Variants in HBS1L observed in about 807,000 individuals in gnomAD.
HBS1L encodes the protein HBS1 like translational GTPase, also known as HBS1-like protein.
HBS1L carries 55 observed loss-of-function variants against 88.9 expected under a neutral mutation model. The observed-to-expected ratio is 0.62, with a 90% CI of 0.50 to 0.77. HBS1L has a LOEUF of 0.77. Ranked by LOEUF, HBS1L falls within the 30% of genes least tolerant of loss-of-function variation. HBS1L has a pLI of 0.00. For synonymous variants in HBS1L, 267 were observed against 288.5 expected, an observed-to-expected ratio of 0.93 and a Z score of 0.76; for missense variants, 741 against 829.3, an observed-to-expected ratio of 0.89 and a Z score of 1.31.
At chr6:134,966,528 T>A in intron 16 of HBS1L, 55 bp from the exon 17 acceptor site, 1 of 1,159,446 alleles carries the variant, frequency 8.6e-7, no homozygotes. Context: ...ATAAATGTAA[T>A]AATAACAACT....
At position 135,042,012 on chromosome 6, in the gene HBS1L, C is replaced by A. The variant is rs2114909649; in HGVS notation, c.224G>T (p.Gly75Val). The stretch of plus-strand genomic sequence containing the variant: ...ACTTTTTGCTATACCTTGATCAAAT[C>A]CACTGAGCTGATGGTTTGAAACAGA... ...SNSVSNHQLS[G>V]FDQARLYSCL... is the part of the protein sequence containing the mutation. Residue 75 changes from glycine (G) to valine (V), a missense_variant, in exon 3 of 18, where the codon GGA (glycine) becomes GTA (valine). Around this residue, in one of 3 missense-constraint regions of HBS1L, gnomAD observed 556 missense variants for 598.4 expected, o/e 0.93. Coordinates refer to ENST00000367837, the MANE Select transcript of HBS1L (RefSeq NM_006620.4). The A allele has an allele frequency of 6.2e-7, 1 of 1,613,272 alleles. No individual in the cohort carries two copies. The highest frequency in any genetic ancestry group is 2.2e-5 in the East Asian group (1 of 44,804).
At position 134,993,774 on chromosome 6, in the gene HBS1L, A is replaced by T. The variant is rs1187224134; in HGVS notation, c.1067T>A (p.Ile356Asn). The change falls in exon 8 of 18, where the codon ATT becomes AAT. Residue 356 changes from isoleucine (I) to asparagine (N), a missense_variant. By Grantham distance (149) the Ile-to-Asn change is moderately radical. This residue lies in a region of HBS1L where 556 missense variants were observed against 598.4 expected (regional missense o/e 0.93). Coordinates refer to ENST00000367837, the MANE Select transcript of HBS1L (RefSeq NM_006620.4). ...AGCAGTTACCTGGGCTGCTCCTGTA[A>T]TCATATTTGGAATGAAGTCCTTATG... is the stretch of plus-strand genomic sequence containing the variant. Reference protein sequence around the residue: ...PGHKDFIPNMITGAAQADVAV... With the variant: ...PGHKDFIPNMNTGAAQADVAV... 6.4e-7 allele frequency: 1 copy of T among 1,573,666 alleles called. No homozygotes were observed. Among genetic ancestry groups the T allele is most frequent in the Non-Finnish European group, 8.7e-7 (1 of 1,151,292 alleles).
chr6:134,978,715 G>A lies in HBS1L; in HGVS notation c.1761C>T (p.Ile587=), dbSNP rs1243986515. 3 of 1,606,224 alleles carry A rather than the reference G, an allele frequency of 1.9e-6. No homozygotes were observed. The highest frequency in any genetic ancestry group is 2.7e-5 in the African/African-American group (2 of 74,768). The part of the protein sequence containing the change: ...ACTRFRARIL[I]FNIEIPITKG... ...TAGTGATAGGAATTTCAATATTAAA[G>A]ATGAGGATTCGGGCTCTGAAACGAG... The change falls in exon 15 of 18, where the codon ATC becomes ATT. Residue 587 remains isoleucine (I), a synonymous_variant. Coordinates refer to ENST00000367837, the MANE Select transcript of HBS1L (RefSeq NM_006620.4).
chr6:135,029,757 T>C (rs1776333725), intron 4 of HBS1L, among the ~76,000 whole-genome samples: 1 of 152,124 alleles, frequency 6.6e-6, no homozygotes, highest in Non-Finnish European at 1.5e-5. Context: ...GCTGTTTAAA[T>C]AAATTATGGT....
intron 1 of HBS1L, among the ~76,000 whole-genome samples, chr6:135,051,519 C>A (rs1777082699): frequency 1.3e-5 from 2 of 152,160 alleles, no homozygotes; most frequent in Admixed American, 6.5e-5. Flanking sequence ...GAGGCCATTT[C>A]TTTCTGCTAG....
intron 15 of HBS1L, among the ~76,000 whole-genome samples, chr6:134,972,912 C>A (rs1360071442): frequency 1.3e-5 from 2 of 152,146 alleles, no homozygotes; most frequent in Non-Finnish European, 2.9e-5. Flanking sequence ...AATCCCTCTC[C>A]CACACCCCAC....
rs190923408 is a variant in HBS1L at position 134,969,681 on chromosome 6, T to C, written c.1798-343A>G. Among the ~76,000 whole-genome samples the C allele has an allele frequency of 2.7e-4, 41 of 152,322 alleles. 1 individual carries two copies. Among genetic ancestry groups the C allele is most frequent in the Admixed American group, 6.5e-4 (10 of 15,302 alleles). ...AAGAGAATTCGTCATTTAGAACAAA[T>C]GTTGTTGTCATTTTTATTATTACAA... On this transcript the variant is annotated intron_variant, in intron 15 of 17. Coordinates refer to ENST00000367837, the MANE Select transcript of HBS1L (RefSeq NM_006620.4).
At chr6:135,040,123 G>A (rs1428664810) in intron 3 of HBS1L, among the ~76,000 whole-genome samples, 1 of 152,132 alleles carries the variant, frequency 6.6e-6, no homozygotes, top group Non-Finnish European at 1.5e-5. Context: ...GAAGGGGTGA[G>A]TGTGGAACTA....
Position 134,986,247 on chromosome 6 carries a change from A to G in HBS1L, c.1306-64T>C, listed in dbSNP as rs1774976179. 17 of 840,408 alleles carry G rather than the reference A, an allele frequency of 2.0e-5. 1 individual carries two copies. Among genetic ancestry groups the G allele is most frequent in the Middle Eastern group, 2.5e-4 (1 of 3,978 alleles). 52.1% of individuals were successfully genotyped at this position (840,408 alleles called of 1,614,324 possible). ...TTTTTAAAACATTAAAAGATTCACCATTACCATAACTGCACCAAGTTTGCA... is the reference window on the plus strand; with the variant it reads ...TTTTTAAAACATTAAAAGATTCACCGTTACCATAACTGCACCAAGTTTGCA... On this transcript the variant is annotated intron_variant, in intron 10 of 17. Coordinates refer to ENST00000367837, the MANE Select transcript of HBS1L (RefSeq NM_006620.4).
intron 1 of HBS1L, among the ~76,000 whole-genome samples, chr6:135,052,688 T>C (rs1277342965): frequency 6.6e-6 from 1 of 152,194 alleles, no homozygotes; most frequent in Admixed American, 6.5e-5. Flanking sequence ...GAGAATTCTT[T>C]CCTGCAATCT....
At chr6:135,001,711 C>G (rs1397928879) in intron 5 of HBS1L, among the ~76,000 whole-genome samples, 2 of 152,054 alleles carry the variant, frequency 1.3e-5, no homozygotes, top group Non-Finnish European at 2.9e-5. Context: ...AATTAATGTA[C>G]ACTGAATGCC....
chr6:135,037,516 T>A, intron 4 of HBS1L: 1 of 1,549,888 alleles, frequency 6.5e-7, no homozygotes, highest in Non-Finnish European at 8.7e-7. Context: ...TAAACTGTCC[T>A]GTACTGGAAT....
At position 134,969,688 on chromosome 6, in the gene HBS1L, G is replaced by C. The variant is rs76205648; in HGVS notation, c.1798-350C>G. On this transcript the variant is annotated intron_variant, in intron 15 of 17. Coordinates refer to ENST00000367837, the MANE Select transcript of HBS1L (RefSeq NM_006620.4). Reference sequence around the variant, plus strand: ...TTCGTCATTTAGAACAAATGTTGTTGTCATTTTTATTATTACAAGTAGTAG... The same window carrying C: ...TTCGTCATTTAGAACAAATGTTGTTCTCATTTTTATTATTACAAGTAGTAG... Among the ~76,000 whole-genome samples the C allele has an allele frequency of 6.1e-3, 928 of 152,284 alleles. 10 individuals are homozygous for C. The highest frequency in any genetic ancestry group is 0.021 in the African/African-American group (878 of 41,574).
At chr6:135,043,159 C>T (rs1373862217) in intron 2 of HBS1L, among the ~76,000 whole-genome samples, 1 of 152,230 alleles carries the variant, frequency 6.6e-6, no homozygotes, top group Non-Finnish European at 1.5e-5. Context: ...AAATCACAGG[C>T]ATATCCACAG....
At chr6:134,974,643 T>C (rs1340982490) in intron 15 of HBS1L, among the ~76,000 whole-genome samples, 1 of 120,320 alleles carries the variant, frequency 8.3e-6, no homozygotes, top group Non-Finnish European at 1.9e-5. Context: ...ACTGAAACAA[T>C]TAAAAGCAAA....
intron 12 of HBS1L, among the ~76,000 whole-genome samples, chr6:134,984,202 A>G (rs1774914722): frequency 6.6e-6 from 1 of 152,158 alleles, no homozygotes; most frequent in Non-Finnish European, 1.5e-5. Flanking sequence ...CTATTAGCAT[A>G]TTTCCTCTAT....
chr6:135,052,094 A>T (rs1777103409), intron 1 of HBS1L, among the ~76,000 whole-genome samples: 1 of 152,216 alleles, frequency 6.6e-6, no homozygotes, highest in Non-Finnish European at 1.5e-5. Flanking sequence ...GGATAGAGTT[A>T]GCTAGTTTCT....
At chr6:135,053,085 T>A (rs1306189373) in intron 1 of HBS1L, among the ~76,000 whole-genome samples, 1 of 152,176 alleles carries the variant, frequency 6.6e-6, no homozygotes, top group Non-Finnish European at 1.5e-5. Flanking sequence ...ATGTCACCAA[T>A]TGTTTCAAAG....
intron 1 of HBS1L, among the ~76,000 whole-genome samples, chr6:135,051,990 T>C (rs1013806121): frequency 6.6e-6 from 1 of 152,042 alleles, no homozygotes; most frequent in African/African-American, 2.4e-5. Context: ...CACAGAGCAA[T>C]TTGGGAACAC....
Sources: allele counts gnomAD v4.1 joint callset (sites outside exome capture counted in the v4.1 genomes callset), GRCh38; gene constraint gnomAD v4.1.1; regional missense constraint gnomAD v4.1.1; transcripts MANE v1.5; gene names NCBI Gene and HGNC (gene_info 2026-07-23, HGNC 2026-07-21).